Variants in NRG1 observed in about 807,000 individuals in gnomAD.
NRG1 encodes neuregulin 1.
A neutral mutation model predicts 63.8 loss-of-function variants in NRG1; 18 were observed. The observed-to-expected ratio is 0.28, with a 90% CI of 0.19 to 0.42. The LOEUF is 0.42. NRG1 is among the 10% of genes least tolerant of loss of function. NRG1 has a pLI of 1.00. For missense variants in NRG1, 762 were observed against 814.7 expected, an observed-to-expected ratio of 0.94 and a Z score of 0.79; for synonymous variants, 302 against 301.3, an observed-to-expected ratio of 1.00 and a Z score of -0.02.
intron 1 of NRG1, among the ~76,000 whole-genome samples, chr8:31,730,464 C>T (rs1813914519): frequency 6.6e-6 from 1 of 152,106 alleles, no homozygotes. Flanking sequence ...CATATATACA[C>T]ACACATAACT....
intron 1 of NRG1, among the ~76,000 whole-genome samples, chr8:31,908,924 A>G: frequency 6.6e-6 from 1 of 152,194 alleles, no homozygotes; most frequent in Admixed American, 6.5e-5. Flanking sequence ...ATATGCTAGT[A>G]TCTTTTCAAA....
At chr8:32,365,818 G>T (rs753384361) in intron 1 of NRG1, among the ~76,000 whole-genome samples, 2 of 152,144 alleles carry the variant, frequency 1.3e-5, no homozygotes, top group Non-Finnish European at 2.9e-5. Flanking sequence ...TGGTGCAGAA[G>T]ATTACTTAAT....
intron 1 of NRG1, among the ~76,000 whole-genome samples, chr8:32,256,301 G>C (rs1344919002): frequency 6.6e-6 from 1 of 152,194 alleles, no homozygotes; most frequent in African/African-American, 2.4e-5. Context: ...TTTTTGCACT[G>C]ATTTATCCTC....
chr8:32,572,233 T>A (rs1468297235), intron 1 of NRG1, among the ~76,000 whole-genome samples: 1 of 152,180 alleles, frequency 6.6e-6, no homozygotes, highest in Non-Finnish European at 1.5e-5. Context: ...CATGTCTTAA[T>A]TTTTGAAATT....
chr8:31,999,041 A>G (rs1586371447), intron 1 of NRG1, among the ~76,000 whole-genome samples: 1 of 151,810 alleles, frequency 6.6e-6, no homozygotes, highest in African/African-American at 2.4e-5. Context: ...CTTGGTATAT[A>G]GTTCTTTTTT....
intron 1 of NRG1, among the ~76,000 whole-genome samples, chr8:32,265,341 A>C (rs112545675): frequency 6.6e-6 from 1 of 151,986 alleles, no homozygotes; most frequent in African/African-American, 2.4e-5. Context: ...TCTAAAAAAG[A>C]ATTAATTAAT....
chr8:32,146,299 G>A (rs1836864681), intron 1 of NRG1, among the ~76,000 whole-genome samples: 1 of 152,168 alleles, frequency 6.6e-6, no homozygotes, highest in Non-Finnish European at 1.5e-5. Context: ...TGGAACTTAA[G>A]AATAACTTCC....
At chr8:32,707,491 G>T (rs1816724181) in intron 5 of NRG1, among the ~76,000 whole-genome samples, 1 of 152,014 alleles carries the variant, frequency 6.6e-6, no homozygotes, top group Non-Finnish European at 1.5e-5. Flanking sequence ...AATTTAATAT[G>T]AAATAAACTG....
intron 1 of NRG1, among the ~76,000 whole-genome samples, chr8:32,427,044 C>T (rs1049036497): frequency 1.3e-5 from 2 of 151,768 alleles, no homozygotes; most frequent in African/African-American, 4.8e-5. Context: ...TGATATTTCT[C>T]AGTCTGTAAA....
chr8:32,180,651 A>G (rs1273345997), intron 1 of NRG1, among the ~76,000 whole-genome samples: 1 of 152,110 alleles, frequency 6.6e-6, no homozygotes, highest in African/African-American at 2.4e-5. Flanking sequence ...TAAAACATAT[A>G]TATGTATATT....
rs961616242 is a variant in NRG1 at position 32,138,558 on chromosome 8, C to T, written c.38-457270C>T. Among the ~76,000 whole-genome samples the T allele has an allele frequency of 4.6e-5, 7 of 151,862 alleles. No homozygotes were observed. The South Asian group carries it at 1.5e-3, about 32-fold the overall frequency. On this transcript the variant is annotated intron_variant, in intron 1 of 10. Coordinates refer to the NRG1 transcript ENST00000519301. ...CCTAGGCTGTGACTGGCAGGAGGCT[C>T]ACAGCGATTTCTTTTTTTTTGAGAC...
intron 1 of NRG1, among the ~76,000 whole-genome samples, chr8:32,028,130 T>C (rs1332970260): frequency 6.6e-6 from 1 of 152,208 alleles, no homozygotes; most frequent in African/African-American, 2.4e-5. Flanking sequence ...TTTATATTAC[T>C]AATTCATTAA....
At chr8:31,794,684 T>C (rs1390506025) in intron 1 of NRG1, among the ~76,000 whole-genome samples, 2 of 152,136 alleles carry the variant, frequency 1.3e-5, no homozygotes, top group African/African-American at 4.8e-5. Flanking sequence ...ATTATTATTG[T>C]CATAGGTAGT....
At chr8:31,827,882 AG>A (rs1427444068) in intron 1 of NRG1, among the ~76,000 whole-genome samples, 2 of 152,238 alleles carry the variant, frequency 1.3e-5, no homozygotes, top group Non-Finnish European at 2.9e-5. Flanking sequence ...AGCATAATAA[AG>A]ATCTGGCCTT....
intron 1 of NRG1, among the ~76,000 whole-genome samples, chr8:31,771,614 C>G (rs1818634653): frequency 6.6e-6 from 1 of 151,954 alleles, no homozygotes; most frequent in South Asian, 2.1e-4. Context: ...TTATATGTGT[C>G]AAGAATGTGC....
chr8:31,887,880 G>A lies in NRG1; in HGVS notation c.37+248449G>A, dbSNP rs1380952914. Among the ~76,000 whole-genome samples, 5 of 151,938 alleles carry A rather than the reference G, an allele frequency of 3.3e-5. 1 individual carries two copies. In the South Asian group the frequency reaches 1.0e-3, roughly 32 times the overall value. On this transcript the variant is annotated intron_variant, in intron 1 of 10. Coordinates refer to the NRG1 transcript ENST00000519301. ...TGAAAGTAAGAGTTGTTAAAAGTTA[G>A]AATATGTTTTCCAAGTAGGTTACAA...
intron 1 of NRG1, among the ~76,000 whole-genome samples, chr8:32,081,113 A>G (rs2131155379): frequency 6.6e-6 from 1 of 152,226 alleles, no homozygotes; most frequent in African/African-American, 2.4e-5. Context: ...ACCCTCCTAG[A>G]AATATTCAGA....
intron 1 of NRG1, among the ~76,000 whole-genome samples, chr8:32,466,499 G>T (rs1179036135): frequency 6.6e-6 from 1 of 152,102 alleles, no homozygotes; most frequent in African/African-American, 2.4e-5. Context: ...TCACCTAACT[G>T]CTTTGGGCTT....
chr8:32,464,059 A>AT (rs922105441), intron 1 of NRG1, among the ~76,000 whole-genome samples: 3 of 149,854 alleles, frequency 2.0e-5, no homozygotes, highest in East Asian at 2.0e-4. Flanking sequence ...TGACCAGCTA[A>AT]TTTTTTTTGT....
Sources: allele counts gnomAD v4.1 joint callset (sites outside exome capture counted in the v4.1 genomes callset), GRCh38; gene constraint gnomAD v4.1.1; transcripts MANE v1.5; gene names NCBI Gene and HGNC (gene_info 2026-07-23, HGNC 2026-07-21).